GNAZ: variants seen among roughly 807,000 people sequenced by gnomAD.
The protein encoded by GNAZ is guanine nucleotide-binding protein G(z) subunit alpha.
In GNAZ, 3 loss-of-function variants were observed where a neutral mutation model predicts 25.4. That is an observed-to-expected ratio of 0.12 (90% confidence interval 0.05 to 0.30). GNAZ has a LOEUF of 0.30. Ranked by LOEUF, GNAZ falls within the 10% of genes least tolerant of loss-of-function variation. GNAZ has a pLI of 1.00. For synonymous variants in GNAZ, 211 were observed against 205.7 expected, an observed-to-expected ratio of 1.03 and a Z score of -0.22; for missense variants, 241 against 501.8, an observed-to-expected ratio of 0.48 and a Z score of 4.97.
chr22:23,123,614 T>C lies in GNAZ; in HGVS notation c.*183T>C, dbSNP rs2070093921. The C allele has an allele frequency of 1.7e-6, 1 of 597,778 alleles. No homozygotes were observed. The highest frequency in any genetic ancestry group is 3.0e-6 in the Non-Finnish European group (1 of 335,548). 37.0% of individuals were successfully genotyped at this position (597,778 alleles called of 1,614,324 possible). A position where few individuals can be genotyped will look rare whatever the true frequency, so the allele number is the denominator to read the frequency against. ...ACATAAATATTTACGGATAGATTGC[T>C]AGGTAGATAGACACACACACATGCA... On this transcript the variant is annotated 3_prime_UTR_variant, in exon 3 of 3. Transcript: ENST00000615612.
At chr22:23,093,272 G>A (rs941099388) in intron 1 of GNAZ, among the ~76,000 whole-genome samples, 7 of 152,204 alleles carry the variant, frequency 4.6e-5, no homozygotes, top group African/African-American at 1.4e-4. Flanking sequence ...TTTCTAGGGC[G>A]TTCCCTGGTG....
At chr22:23,084,691 T>C (rs114724637) in intron 1 of GNAZ, among the ~76,000 whole-genome samples, 1,748 of 152,268 alleles carry the variant, frequency 0.011, 41 homozygotes, top group African/African-American at 0.04. Flanking sequence ...AATGCAGCCT[T>C]GAGAGCTGCA....
chr22:23,123,459 A>C lies in GNAZ; in HGVS notation c.*28A>C. The C allele has an allele frequency of 6.7e-7, 1 of 1,493,072 alleles. No homozygotes were observed. Among genetic ancestry groups the C allele is most frequent in the South Asian group, 1.2e-5 (1 of 86,600 alleles). The allele number at this position is 1,493,072 out of a possible 1,614,324, so 92.5% of individuals were successfully genotyped here. ...AGCTGGGCCCGGGGCCCGCCTGCCT[A>C]TGGTGAAACCCACGGGGTGTCATGC... On this transcript the variant is annotated 3_prime_UTR_variant, in exon 3 of 3. Coordinates refer to ENST00000615612, the MANE Select transcript of GNAZ (RefSeq NM_002073.4).
rs762588349 is a variant in GNAZ, at chr22:23,123,425, T to A, written c.1062T>A (p.Leu354=). The change falls in exon 3 of 3, where the codon CTT becomes CTA. Residue 354 remains leucine (L), a synonymous_variant. Coordinates refer to ENST00000615612, the MANE Select transcript of GNAZ (RefSeq NM_002073.4). ...IIQNNLKYIG[L]C ...AGAACAATCTCAAGTACATTGGCCT[T>A]TGCTGAGGAGCTGGGCCCGGGGCCC... 5 of 1,607,162 alleles carry A rather than the reference T, an allele frequency of 3.1e-6. No individual in the cohort carries two copies. The Middle Eastern group carries it at 6.6e-4, about 213-fold the overall frequency.
intron 2 of GNAZ, among the ~76,000 whole-genome samples, chr22:23,118,598 G>A (rs901825052): frequency 6.6e-6 from 1 of 152,292 alleles, no homozygotes. Context: ...TGGGGAGTCA[G>A]CCCCTCTTGA....
chr22:23,088,665 G>T (rs1433352652), intron 1 of GNAZ, among the ~76,000 whole-genome samples: 2 of 152,304 alleles, frequency 1.3e-5, no homozygotes, highest in Middle Eastern at 3.4e-3. Context: ...GTCTGAAATG[G>T]GTTCCATGAC....
rs1569172643 is a variant in GNAZ, at chr22:23,095,801, CT to C, written c.107del (p.Leu36ArgfsTer18). On this transcript the variant is annotated frameshift_variant, in exon 2 of 3. Transcript: ENST00000615612. LOFTEE classifies it high-confidence loss of function. ...ESQRQRREIK[L>X]LLLGTSNSGK... ...CCAGCGGCAACGCCGCGAAATCAAG[CT>C]GCTCCTGCTGGGCACCAGCAACTCA... 1 of 1,613,298 alleles carries C rather than the reference CT, an allele frequency of 6.2e-7. No homozygotes were observed. Among genetic ancestry groups the C allele is most frequent in the Non-Finnish European group, 8.5e-7 (1 of 1,180,010 alleles).
At chr22:23,121,878 T>C (rs1325394299) in intron 2 of GNAZ, among the ~76,000 whole-genome samples, 2 of 151,886 alleles carry the variant, frequency 1.3e-5, no homozygotes, top group South Asian at 2.1e-4. Flanking sequence ...TCTGCCACCA[T>C]GCCCAGCTAA....
intron 2 of GNAZ, 140 bp from the exon 3 acceptor site, chr22:23,122,947 C>T (rs774088121): frequency 1.7e-4 from 109 of 622,890 alleles, no homozygotes; most frequent in Admixed American, 1.1e-3. Flanking sequence ...CCTGGGCTTC[C>T]CCAGCAGAAG....
Position 23,095,472 on chromosome 22 carries a change from A to G in GNAZ, c.-224A>G. ...TTGCCAACTAGGGAGGTGGAGTGTCACTAGTGGGGAGGGGCGGCCACCGCC... is the reference window on the plus strand; with the variant it reads ...TTGCCAACTAGGGAGGTGGAGTGTCGCTAGTGGGGAGGGGCGGCCACCGCC... On this transcript the variant is annotated 5_prime_UTR_variant, in exon 2 of 3. Coordinates refer to ENST00000615612, the MANE Select transcript of GNAZ (RefSeq NM_002073.4). 2 of 562,568 alleles carry G rather than the reference A, an allele frequency of 3.6e-6. No homozygotes were observed. The highest frequency in any genetic ancestry group is 3.1e-6 in the Non-Finnish European group (1 of 319,248). 34.8% of individuals were successfully genotyped at this position (562,568 alleles called of 1,614,324 possible). A position where few individuals can be genotyped will look rare whatever the true frequency, so the allele number is the denominator to read the frequency against.
At chr22:23,075,169 C>T (rs187462497) in intron 1 of GNAZ, among the ~76,000 whole-genome samples, 5 of 152,236 alleles carry the variant, frequency 3.3e-5, no homozygotes, top group East Asian at 1.9e-4. Flanking sequence ...AGGGTGGGCC[C>T]GCAACCTGCC....
At chr22:23,072,889 G>T (rs549901545) in intron 1 of GNAZ, among the ~76,000 whole-genome samples, 161 of 152,360 alleles carry the variant, frequency 1.1e-3, no homozygotes, top group African/African-American at 3.7e-3. Flanking sequence ...TGGGGTCTCA[G>T]TCTGGCCCTC....
chr22:23,072,460 A>G (rs998963723), intron 1 of GNAZ, among the ~76,000 whole-genome samples: 1 of 152,228 alleles, frequency 6.6e-6, no homozygotes, highest in Admixed American at 6.5e-5. Flanking sequence ...TGAATAAGAC[A>G]TAATTTCTCC....
At chr22:23,121,275 T>C (rs1302170490) in intron 2 of GNAZ, among the ~76,000 whole-genome samples, 1 of 152,232 alleles carries the variant, frequency 6.6e-6, no homozygotes, top group Non-Finnish European at 1.5e-5. Context: ...GGAAAAACAG[T>C]CTTCCAGGTG....
intron 2 of GNAZ, among the ~76,000 whole-genome samples, chr22:23,097,841 G>A (rs994293520): frequency 6.6e-6 from 1 of 152,226 alleles, no homozygotes; most frequent in African/African-American, 2.4e-5. Flanking sequence ...TGGTGGGTCT[G>A]CCAGTCACAC....
intron 1 of GNAZ, among the ~76,000 whole-genome samples, chr22:23,076,816 A>G (rs2068517640): frequency 6.6e-6 from 1 of 152,236 alleles, no homozygotes; most frequent in African/African-American, 2.4e-5. Context: ...CTGTGCCCCA[A>G]GATCAAGGAG....
At chr22:23,084,934 T>C (rs1297898624) in intron 1 of GNAZ, among the ~76,000 whole-genome samples, 3 of 152,186 alleles carry the variant, frequency 2.0e-5, no homozygotes, top group Non-Finnish European at 4.4e-5. Flanking sequence ...CCAGGTGCCA[T>C]TGCACACTGG....
Position 23,075,896 on chromosome 22 carries a change from CTGTGAGGTCTGCTCCTT to C in GNAZ, c.-450+5339_-450+5355del, listed in dbSNP as rs529983748. On this transcript the variant is annotated intron_variant, in intron 1 of 2. Coordinates refer to ENST00000615612, the MANE Select transcript of GNAZ (RefSeq NM_002073.4). ...CCAAGGTCCTTTGTGAGGTCTGCCC[CTGTGAGGTCTGCTCCTT>C]TGTGAGGTCTGCCCCTGTGAGTCAT... Among the ~76,000 whole-genome samples the C allele has an allele frequency of 2.7e-3, 408 of 152,186 alleles. 1 individual carries two copies. The highest frequency in any genetic ancestry group is 9.5e-3 in the African/African-American group (395 of 41,502).
At chr22:23,102,962 G>T (rs768227294) in intron 2 of GNAZ, among the ~76,000 whole-genome samples, 4 of 152,256 alleles carry the variant, frequency 2.6e-5, no homozygotes, top group Non-Finnish European at 5.9e-5. Context: ...GAAGGCAGGA[G>T]TCAGTCTCTT....
Sources: gnomAD v4.1 joint callset for allele counts (sites outside exome capture counted in the v4.1 genomes callset) on GRCh38, gnomAD v4.1.1 for gene constraint, MANE v1.5 for transcripts, NCBI Gene and HGNC (gene_info 2026-07-23, HGNC 2026-07-21) for gene names.